The following AREL1 variants were observed in gnomAD, a reference collection of about 807,000 sequenced individuals.
The protein encoded by AREL1 is apoptosis-resistant E3 ubiquitin protein ligase 1.
A neutral mutation model predicts 99.0 loss-of-function variants in AREL1; 62 were observed. The observed-to-expected ratio is 0.63, with a 90% CI of 0.51 to 0.77. The LOEUF is 0.77. AREL1 is among the 30% of genes least tolerant of loss of function. The probability of loss-of-function intolerance (pLI) is 0.00; values close to 1 mark genes in which losing one functional copy is unlikely to be tolerated. For missense variants in AREL1, 879 were observed against 1,027.6 expected, an observed-to-expected ratio of 0.86 and a Z score of 1.98; for synonymous variants, 380 against 376.5, an observed-to-expected ratio of 1.01 and a Z score of -0.11.
intron 8 of AREL1, among the ~76,000 whole-genome samples, chr14:74,675,350 A>G (rs1417023357): frequency 6.6e-6 from 1 of 152,242 alleles, no homozygotes; most frequent in Admixed American, 6.5e-5. Context: ...AACAAATATT[A>G]AAAAGAAACT....
At chr14:74,687,417 C>T (rs1757606974) in intron 2 of AREL1, among the ~76,000 whole-genome samples, 1 of 152,140 alleles carries the variant, frequency 6.6e-6, no homozygotes, top group Non-Finnish European at 1.5e-5. Context: ...AATCTCATTG[C>T]TGTAAAAAGA....
intron 11 of AREL1, among the ~76,000 whole-genome samples, chr14:74,672,207 A>C (rs898081533): frequency 5.9e-5 from 9 of 152,340 alleles, no homozygotes; most frequent in Admixed American, 2.6e-4. Flanking sequence ...CCTACATGGG[A>C]GTTCCAAGGG....
At chr14:74,699,996 T>C (rs562513225) in intron 1 of AREL1, among the ~76,000 whole-genome samples, 4 of 152,196 alleles carry the variant, frequency 2.6e-5, no homozygotes, top group Non-Finnish European at 5.9e-5. Context: ...GAGGGTGGTT[T>C]GTGCCAGGCC....
At chr14:74,695,358 G>C (rs1665738877) in intron 1 of AREL1, among the ~76,000 whole-genome samples, 1 of 152,088 alleles carries the variant, frequency 6.6e-6, no homozygotes, top group Admixed American at 6.5e-5. Flanking sequence ...AGGATTACAG[G>C]AATGAGCCAC....
Position 74,673,205 on chromosome 14 carries a change from C to T in AREL1, c.1172G>A (p.Gly391Asp). The change falls in exon 10 of 20, where the codon GGT (glycine) becomes GAT (aspartate). Residue 391 changes from glycine to aspartate, a missense_variant. Transcript: ENST00000356357. ...VCPGTKFSYLGPDPVHKLLTL... is the reference protein window; with the variant it reads ...VCPGTKFSYLDPDPVHKLLTL... ...GAGCAGCTTATGGACAGGGTCAGGA[C>T]CAAGGTATGAAAACTGGTAAAGAAA... 1 of 1,614,008 alleles carries T rather than the reference C, an allele frequency of 6.2e-7. No homozygotes were observed. Among genetic ancestry groups the T allele is most frequent in the Non-Finnish European group, 8.5e-7 (1 of 1,180,012 alleles).
At position 74,673,073 on chromosome 14, in the gene AREL1, T is replaced by C. The variant is rs758705914; in HGVS notation, c.1300+4A>G. 1 of 1,614,164 alleles carries C rather than the reference T, an allele frequency of 6.2e-7. No individual in the cohort carries two copies. The highest frequency in any genetic ancestry group is 8.5e-7 in the Non-Finnish European group (1 of 1,180,020). ...TTCCCTATAGAATCCCTGTGTAACC[T>C]CACCTATGTTCTTATGCAGGGAGCG... is the stretch of plus-strand genomic sequence containing the variant. On this transcript the variant is annotated splice_donor_region_variant and intron_variant, in intron 10 of 19. Coordinates refer to ENST00000356357, the MANE Select transcript of AREL1 (RefSeq NM_001039479.2).
chr14:74,691,994 T>C (rs1180923315), intron 2 of AREL1, 47 bp downstream of exon 2: 2 of 322,938 alleles, frequency 6.2e-6, no homozygotes, highest in African/African-American at 4.5e-5. Flanking sequence ...ACTGGATCCA[T>C]GTTGTACATC....
intron 1 of AREL1, among the ~76,000 whole-genome samples, chr14:74,707,355 C>A (rs945326673): frequency 1.4e-5 from 2 of 144,266 alleles, no homozygotes; most frequent in Non-Finnish European, 3.0e-5. Flanking sequence ...GTGACAAGAG[C>A]GAAACTCCAT....
rs1379042594 is a variant in AREL1 at position 74,679,946 on chromosome 14, G to C, written c.482-3194C>G. 2.6e-5 allele frequency among the ~76,000 whole-genome samples: 4 copies of C among 151,982 alleles called. No homozygotes were observed. In the East Asian group the frequency reaches 5.8e-4, roughly 22 times the overall value. ...AATCCCAGCACTTTTTGGGGCCAAG[G>C]GGGTGGATCACTTGAGCTCAGGATT... is the stretch of plus-strand genomic sequence containing the variant. On this transcript the variant is annotated intron_variant, in intron 5 of 19. Coordinates refer to ENST00000356357, the MANE Select transcript of AREL1 (RefSeq NM_001039479.2).
At chr14:74,684,282 TA>T (rs909757660) in intron 4 of AREL1, among the ~76,000 whole-genome samples, 171 bp downstream of exon 4, 4 of 152,216 alleles carry the variant, frequency 2.6e-5, no homozygotes, top group African/African-American at 9.6e-5. Flanking sequence ...AAGGACCTAT[TA>T]AATCAAAATG....
Position 74,684,575 on chromosome 14 carries a change from C to A in AREL1, c.122G>T (p.Arg41Leu). Reference sequence around the variant, plus strand: ...GTAGTCATAAATAGTCCGGTCCCCTCGGCGCTCGCGGTCCTCATTCTGGAG... The same window carrying A: ...GTAGTCATAAATAGTCCGGTCCCCTAGGCGCTCGCGGTCCTCATTCTGGAG... Reference protein sequence around the residue: ...SFLQNEDRERRGDRTIYDYVR... With the variant: ...SFLQNEDRERLGDRTIYDYVR... Residue 41 changes from arginine to leucine, a missense_variant, in exon 4 of 20, where the codon CGA becomes CTA. Coordinates refer to ENST00000356357, the MANE Select transcript of AREL1 (RefSeq NM_001039479.2). 2 of 1,614,152 alleles carry A rather than the reference C, an allele frequency of 1.2e-6. No homozygotes were observed. The highest frequency in any genetic ancestry group is 1.1e-5 in the South Asian group (1 of 91,080).
chr14:74,712,715 C>A (rs1336002270), intron 1 of AREL1: 1 of 298,124 alleles, frequency 3.4e-6, no homozygotes, highest in East Asian at 8.4e-5. Context: ...CTGCACAAAG[C>A]ACCATATCGG....
rs746270046 is a variant in AREL1, at chr14:74,675,922, C to G, written c.857G>C (p.Arg286Pro). The G allele has an allele frequency of 2.5e-6, 4 of 1,601,142 alleles. No homozygotes were observed. Among genetic ancestry groups the G allele is most frequent in the Admixed American group, 1.7e-5 (1 of 58,464 alleles). ...GCTCACGCCTGAAGTGGACACATTG[C>G]GTTCGACGATATTCTTCTCATCCTC... ...LSEDEKNIVERNVSTSGVSIY... is the reference protein window; with the variant it reads ...LSEDEKNIVEPNVSTSGVSIY... Residue 286 changes from arginine to proline, a missense_variant, in exon 8 of 20, where the codon CGC becomes CCC. Transcript: ENST00000356357.
At chr14:74,668,287 T>G (rs1001313204) in intron 15 of AREL1, among the ~76,000 whole-genome samples, 2 of 152,192 alleles carry the variant, frequency 1.3e-5, no homozygotes, top group Non-Finnish European at 2.9e-5. Flanking sequence ...AAGCACAGCT[T>G]AAAACCATCA....
chr14:74,712,674 G>A (rs905728896), intron 1 of AREL1, among the ~76,000 whole-genome samples: 6 of 151,686 alleles, frequency 4.0e-5, no homozygotes, highest in African/African-American at 1.5e-4. Context: ...AGGAGTACAC[G>A]GTATATACTC....
rs2089133827 is a variant in AREL1 at position 74,663,546 on chromosome 14, G to A, written c.*174C>T. 1.2e-5 allele frequency: 8 copies of A among 678,548 alleles called. No homozygotes were observed. The highest frequency in any genetic ancestry group is 4.1e-4 in the Middle Eastern group (1 of 2,444). 42.0% of individuals were successfully genotyped at this position (678,548 alleles called of 1,614,324 possible). A position where few individuals can be genotyped will look rare whatever the true frequency, so the allele number is the denominator to read the frequency against. ...GTGGCCTGTGGTAGATATGGGCAGG[G>A]AGCAGGTGAGGTAAAGACAAGGCTT... On this transcript the variant is annotated 3_prime_UTR_variant, in exon 20 of 20. Coordinates refer to ENST00000356357, the MANE Select transcript of AREL1 (RefSeq NM_001039479.2).
chr14:74,688,455 T>C (rs2089797247), intron 2 of AREL1, among the ~76,000 whole-genome samples: 1 of 152,212 alleles, frequency 6.6e-6, no homozygotes, highest in African/African-American at 2.4e-5. Context: ...CCCCTGTCAC[T>C]TATTTCTCAA....
In AREL1 at chr14:74,676,679, G is replaced by A. The variant is rs560374617; in HGVS notation, c.555C>T (p.His185=). ...STLVLTCGQP[H]TLQIVPRDEY... ...CATCTCGGGGTACTATTTGAAGGGT[G>A]TGCGGCTGCCCACAGGTCAATACAA... is the stretch of plus-strand genomic sequence containing the variant. Residue 185 remains histidine, a synonymous_variant, in exon 6 of 20, where the codon CAC becomes CAT. Coordinates refer to ENST00000356357, the MANE Select transcript of AREL1 (RefSeq NM_001039479.2). The A allele has an allele frequency of 8.7e-6, 14 of 1,614,162 alleles. No homozygotes were observed. Among genetic ancestry groups the A allele is most frequent in the South Asian group, 2.2e-5 (2 of 91,086 alleles).
chr14:74,688,927 C>T (rs1477899442), intron 2 of AREL1, among the ~76,000 whole-genome samples: 1 of 151,994 alleles, frequency 6.6e-6, no homozygotes, highest in Non-Finnish European at 1.5e-5. Context: ...ACCTCCACCT[C>T]CCAGGTTCAA....
Sources: gnomAD v4.1 joint callset for allele counts (sites outside exome capture counted in the v4.1 genomes callset) on GRCh38, gnomAD v4.1.1 for gene constraint, MANE v1.5 for transcripts, NCBI Gene and HGNC (gene_info 2026-07-23, HGNC 2026-07-21) for gene names.